ULK4: variants seen among roughly 807,000 people sequenced by gnomAD.
The protein encoded by ULK4 is unc-51 like kinase 4.
Under a neutral mutation model 160.6 loss-of-function variants are expected in ULK4, and 133 were observed. That is an observed-to-expected ratio of 0.83 (90% CI 0.72 to 0.96). The LOEUF is 0.96. Among genes scored for constraint, ULK4 ranks in the 40% least tolerant of loss-of-function variants. ULK4 has a pLI of 0.00. For missense variants in ULK4, 1,580 were observed against 1,499.5 expected, an observed-to-expected ratio of 1.05 and a Z score of -0.89; for synonymous variants, 534 against 539.8, an observed-to-expected ratio of 0.99 and a Z score of 0.15.
intron 34 of ULK4, among the ~76,000 whole-genome samples, chr3:41,436,240 G>A (rs62259307): frequency 0.016 from 2,403 of 152,256 alleles, 34 homozygotes; most frequent in Middle Eastern, 0.027. Flanking sequence ...GGTAGGCGAG[G>A]CTAAGCTATG....
intron 35 of ULK4, among the ~76,000 whole-genome samples, chr3:41,324,948 C>T (rs1260034318): frequency 3.9e-5 from 6 of 152,076 alleles, no homozygotes; most frequent in Admixed American, 1.3e-4. Flanking sequence ...ATAGGCACCA[C>T]GAGAGTAAAA....
rs189539680 is a variant in ULK4 at position 41,726,054 on chromosome 3, A to G, written c.2322-8193T>C. ...ATCCTCTCCAAATTTACAGAGTATAAAAAAAGCAAATTCACACTTGTCTAT... is the reference window on the plus strand; with the variant it reads ...ATCCTCTCCAAATTTACAGAGTATAGAAAAAGCAAATTCACACTTGTCTAT... On this transcript the variant is annotated intron_variant, in intron 22 of 36. Transcript: ENST00000301831. 8.8e-3 allele frequency among the ~76,000 whole-genome samples: 1,340 copies of G among 152,348 alleles called. 8 individuals are homozygous for G. Among genetic ancestry groups the G allele is most frequent in the South Asian group, 0.03 (145 of 4,834 alleles).
chr3:41,575,789 C>T (rs1233757327), intron 31 of ULK4, among the ~76,000 whole-genome samples: 1 of 152,234 alleles, frequency 6.6e-6, no homozygotes, highest in East Asian at 1.9e-4. Context: ...CTGCGAATGC[C>T]CTTCTGGCAG....
At chr3:41,269,094 T>C (rs1391660966) in intron 35 of ULK4, among the ~76,000 whole-genome samples, 1 of 152,132 alleles carries the variant, frequency 6.6e-6, no homozygotes, top group Non-Finnish European at 1.5e-5. Flanking sequence ...TGAGTGAGAA[T>C]TTGAAACAAG....
chr3:41,537,921 G>T, intron 32 of ULK4, among the ~76,000 whole-genome samples: 1 of 125,184 alleles, frequency 8.0e-6, no homozygotes. Flanking sequence ...GTCCTTTGTG[G>T]CATTTTTTTT....
At chr3:41,455,838 A>G (rs1275168263) in intron 33 of ULK4, among the ~76,000 whole-genome samples, 1 of 152,206 alleles carries the variant, frequency 6.6e-6, no homozygotes, top group Non-Finnish European at 1.5e-5. Flanking sequence ...CAGCACATAG[A>G]TAAAGCAATT....
At chr3:41,763,153 G>A (rs904392542) in intron 21 of ULK4, among the ~76,000 whole-genome samples, 2 of 151,716 alleles carry the variant, frequency 1.3e-5, no homozygotes, top group African/African-American at 4.8e-5. Flanking sequence ...ACTACATACA[G>A]GATAGGATAA....
intron 5 of ULK4, among the ~76,000 whole-genome samples, chr3:41,931,273 T>G (rs1302539313): frequency 1.3e-5 from 2 of 150,856 alleles, no homozygotes; most frequent in Admixed American, 6.6e-5. Flanking sequence ...TAAGTGGGAG[T>G]TGAACAATGA....
At chr3:41,483,664 C>A (rs191676893) in intron 32 of ULK4, among the ~76,000 whole-genome samples, 1 of 152,272 alleles carries the variant, frequency 6.6e-6, no homozygotes, top group Admixed American at 6.5e-5. Context: ...CCCCACCCCA[C>A]CCAAAGACAT....
chr3:41,494,618 T>C (rs1193744867), intron 32 of ULK4, among the ~76,000 whole-genome samples: 4 of 152,188 alleles, frequency 2.6e-5, no homozygotes, highest in African/African-American at 7.2e-5. Flanking sequence ...GGCATTCAAT[T>C]AGGAAAAGAG....
At chr3:41,768,345 T>A (rs1005285106) in intron 21 of ULK4, among the ~76,000 whole-genome samples, 2 of 152,158 alleles carry the variant, frequency 1.3e-5, no homozygotes, top group African/African-American at 2.4e-5. Flanking sequence ...CTATACAGTA[T>A]CTGGACTAAC....
rs1002154728 is a variant in ULK4, at chr3:41,660,080, G to A, written c.3071+3527C>T. ...CAAGGTGGGCGTATCACCTGAGGTC[G>A]GGAGTTCGAGACCAGCCTGACCAAC... On this transcript the variant is annotated intron_variant, in intron 30 of 36. Transcript: ENST00000301831. 5.9e-5 allele frequency among the ~76,000 whole-genome samples: 9 copies of A among 152,002 alleles called. No homozygotes were observed. In the East Asian group the frequency reaches 9.7e-4, roughly 16 times the overall value.
chr3:41,690,330 T>C (rs1003655849), intron 27 of ULK4, among the ~76,000 whole-genome samples: 21 of 151,504 alleles, frequency 1.4e-4, no homozygotes, highest in African/African-American at 4.1e-4. Context: ...TTAGGAGATA[T>C]ACCTAATGCT....
At chr3:41,335,667 A>C (rs1160536521) in intron 35 of ULK4, among the ~76,000 whole-genome samples, 2 of 152,192 alleles carry the variant, frequency 1.3e-5, no homozygotes, top group African/African-American at 4.8e-5. Context: ...GAAATTGGTA[A>C]CTACAAAACA....
At chr3:41,446,953 G>A (rs1456473881) in intron 34 of ULK4, among the ~76,000 whole-genome samples, 2 of 151,216 alleles carry the variant, frequency 1.3e-5, no homozygotes, top group Non-Finnish European at 3.0e-5. Context: ...GCATGGTGGC[G>A]TGTGCCTGTA....
chr3:41,792,600 T>A (rs1240072848), intron 20 of ULK4, among the ~76,000 whole-genome samples: 3 of 152,154 alleles, frequency 2.0e-5, no homozygotes, highest in Middle Eastern at 3.2e-3. Flanking sequence ...ATGGGGAAAT[T>A]TCTTAATAAA....
Position 41,618,890 on chromosome 3 carries a change from CA to C in ULK4, c.3072-3174del, listed in dbSNP as rs199611935. 3.6e-3 allele frequency among the ~76,000 whole-genome samples: 542 copies of C among 150,960 alleles called. 3 individuals carry two copies. The East Asian group carries it at 0.041, about 11-fold the overall frequency. On this transcript the variant is annotated intron_variant, in intron 30 of 36. Transcript: ENST00000301831. ...GTATTCAGGAGACCCATCTCACATG[CA>C]AAGACAAACATGGCCTCAAAATAAA...
chr3:41,745,630 C>T (rs2038395033), intron 22 of ULK4, among the ~76,000 whole-genome samples: 1 of 151,454 alleles, frequency 6.6e-6, no homozygotes, highest in South Asian at 2.1e-4. Context: ...AGAGGGCATA[C>T]ATCACAATTC....
intron 16 of ULK4, among the ~76,000 whole-genome samples, chr3:41,892,796 T>A (rs1285625485): frequency 2.0e-5 from 3 of 152,192 alleles, no homozygotes; most frequent in Non-Finnish European, 1.5e-5. Context: ...CCCATTACAA[T>A]TGCCTAACCA....
Sources: gnomAD v4.1 joint callset for allele counts (sites outside exome capture counted in the v4.1 genomes callset) on GRCh38, gnomAD v4.1.1 for gene constraint, MANE v1.5 for transcripts, NCBI Gene and HGNC (gene_info 2026-07-23, HGNC 2026-07-21) for gene names.